ORC3: variants seen among roughly 807,000 people sequenced by gnomAD.
ORC3 encodes the protein origin recognition complex subunit 3, also known as homolog of latheo, Drosophila.
ORC3 carries 78 observed loss-of-function variants against 100.7 expected under a neutral mutation model. The ratio of observed to expected loss-of-function variants is 0.77; its 90% CI spans 0.65 to 0.94. The LOEUF (loss-of-function observed/expected upper bound fraction) is 0.94. ORC3 is among the 40% of genes least tolerant of loss of function. ORC3 has a pLI of 0.00. For synonymous variants in ORC3, 295 were observed against 289.3 expected (o/e 1.02, Z -0.20); for missense variants, 789 against 823.9 (o/e 0.96, Z 0.52).
chr6:87,634,085 A>G (rs903056032), intron 11 of ORC3, among the ~76,000 whole-genome samples: 10 of 152,272 alleles, frequency 6.6e-5, no homozygotes, highest in African/African-American at 2.4e-4. Flanking sequence ...AGCTCAAGCT[A>G]TCCTCCTGCC....
intron 11 of ORC3, among the ~76,000 whole-genome samples, chr6:87,633,657 C>T (rs928567431): frequency 1.3e-5 from 2 of 151,980 alleles, no homozygotes; most frequent in Admixed American, 1.3e-4. Flanking sequence ...TATGGCTGAC[C>T]ACTAAAAATA....
intron 2 of ORC3, among the ~76,000 whole-genome samples, chr6:87,597,162 A>T (rs116028530): frequency 0.016 from 2,376 of 152,322 alleles, 60 homozygotes; most frequent in African/African-American, 0.053. Flanking sequence ...ACCCAAGTCT[A>T]AAAATAAAAT....
intron 14 of ORC3, among the ~76,000 whole-genome samples, chr6:87,655,773 A>AT (rs1401980300): frequency 6.6e-6 from 1 of 151,612 alleles, no homozygotes; most frequent in African/African-American, 2.4e-5. Flanking sequence ...AAGTGCTGGG[A>AT]TTATAGGAAT....
chr6:87,661,891 A>G (rs1770206820), intron 16 of ORC3, among the ~76,000 whole-genome samples: 3 of 152,146 alleles, frequency 2.0e-5, no homozygotes, highest in African/African-American at 7.2e-5. Context: ...GTATAGTATC[A>G]CTGTCATGGC....
In ORC3 at chr6:87,664,784, C is replaced by T. The variant is rs768598760; in HGVS notation, c.1875C>T (p.Ile625=). ...LKSEEGCIPN[I]APDICIAYKL... Reference sequence around the variant, plus strand: ...GCGAAGAAGGCTGCATTCCGAATATCGCCCCAGACATCTGCATAGCATACA... The same window carrying T: ...GCGAAGAAGGCTGCATTCCGAATATTGCCCCAGACATCTGCATAGCATACA... The change falls in exon 18 of 20, where the codon ATC becomes ATT. Residue 625 remains isoleucine (I), a synonymous_variant. Coordinates refer to ENST00000392844, the MANE Select transcript of ORC3 (RefSeq NM_012381.4). 6.2e-6 allele frequency: 10 copies of T among 1,613,974 alleles called. No individual in the cohort carries two copies. In the East Asian group the frequency reaches 8.9e-5, roughly 14 times the overall value.
At chr6:87,617,422 A>C (rs1046963422) in intron 9 of ORC3, among the ~76,000 whole-genome samples, 1 of 152,084 alleles carries the variant, frequency 6.6e-6, no homozygotes, top group Non-Finnish European at 1.5e-5. Context: ...AATACATGCC[A>C]GTTGTCTAGT....
At chr6:87,642,361 T>C (rs972391266) in intron 13 of ORC3, among the ~76,000 whole-genome samples, 1 of 151,628 alleles carries the variant, frequency 6.6e-6, no homozygotes, top group African/African-American at 2.4e-5. Context: ...GAGGCTGAGG[T>C]GGGTGGATCA....
rs774201441 is a variant in ORC3 at position 87,612,239 on chromosome 6, A to T, written c.864A>T (p.Val288=). Residue 288 remains valine, a synonymous_variant, in exon 8 of 20, where the codon GTA becomes GTT. Coordinates refer to ENST00000392844, the MANE Select transcript of ORC3 (RefSeq NM_012381.4). ...SLSCKEHLTT[V]LDKLLLTTQF... is the part of the protein sequence containing the mutation. ...CTTGTAAGGAGCACCTGACTACGGT[A>T]CTCGATAAGGTAAAAAGAATAAGTT... 6.2e-6 allele frequency: 10 copies of T among 1,601,418 alleles called. No individual in the cohort carries two copies. Among genetic ancestry groups the T allele is most frequent in the Non-Finnish European group, 8.5e-6 (10 of 1,175,650 alleles).
At chr6:87,647,925 C>T (rs1012587632) in intron 13 of ORC3, among the ~76,000 whole-genome samples, 28 of 152,286 alleles carry the variant, frequency 1.8e-4, no homozygotes, top group African/African-American at 5.1e-4. Context: ...CTTTGATGGC[C>T]GCAGTGGCTC....
intron 11 of ORC3, among the ~76,000 whole-genome samples, chr6:87,627,459 C>G (rs903223617): frequency 1.3e-5 from 2 of 149,296 alleles, no homozygotes; most frequent in African/African-American, 4.9e-5. Context: ...CCACACCCGG[C>G]TAATTTTTGT....
At chr6:87,666,973 TG>T in intron 19 of ORC3, 44 bp from the exon 20 acceptor site, 1 of 1,179,866 alleles carries the variant, frequency 8.5e-7, no homozygotes, top group Non-Finnish European at 1.2e-6. Context: ...AATCCCTTTT[TG>T]TCAAAAATAC....
chr6:87,608,597 C>A (rs1013653795), intron 6 of ORC3, among the ~76,000 whole-genome samples: 1 of 152,082 alleles, frequency 6.6e-6, no homozygotes, highest in Non-Finnish European at 1.5e-5. Flanking sequence ...TTTAGACTTT[C>A]CAGATAAAAT....
intron 11 of ORC3, among the ~76,000 whole-genome samples, chr6:87,625,656 G>C (rs1464589491): frequency 3.3e-5 from 5 of 152,168 alleles, no homozygotes; most frequent in African/African-American, 1.2e-4. Context: ...TGTTCACTCT[G>C]ATGACAGTTT....
At chr6:87,615,299 C>T (rs1779082452) in intron 8 of ORC3, among the ~76,000 whole-genome samples, 1 of 152,162 alleles carries the variant, frequency 6.6e-6, no homozygotes, top group Non-Finnish European at 1.5e-5. Flanking sequence ...TCCCACAGCA[C>T]TTGGGAATTC....
chr6:87,602,467 C>CTT (rs55807123), intron 3 of ORC3, among the ~76,000 whole-genome samples: 8 of 139,034 alleles, frequency 5.8e-5, no homozygotes, highest in Non-Finnish European at 1.1e-4. Context: ...AGGCTGACAA[C>CTT]TTTTTTTTTT....
chr6:87,654,335 G>A (rs567368384), intron 14 of ORC3, among the ~76,000 whole-genome samples: 9 of 152,348 alleles, frequency 5.9e-5, no homozygotes, highest in Non-Finnish European at 1.2e-4. Context: ...AGCAGCCAGA[G>A]TGAGGAAGTC....
At chr6:87,595,507 A>T (rs1049109954) in intron 2 of ORC3, 1 of 152,174 alleles carries the variant, frequency 6.6e-6, no homozygotes, top group Non-Finnish European at 1.5e-5. Context: ...GGGAAGGGAA[A>T]AAGCTGAGAA....
chr6:87,606,559 C>G (rs1034791046), intron 5 of ORC3, among the ~76,000 whole-genome samples: 1 of 150,992 alleles, frequency 6.6e-6, no homozygotes, highest in Non-Finnish European at 1.5e-5. Context: ...GAGACAGGGT[C>G]TCACTCTGTT....
intron 18 of ORC3, among the ~76,000 whole-genome samples, 182 bp from the exon 19 acceptor site, chr6:87,665,572 C>G (rs1453390830): frequency 1.3e-5 from 2 of 152,162 alleles, no homozygotes; most frequent in East Asian, 3.8e-4. Context: ...TATTCAGGAA[C>G]CATTACTTTA....
Sources: gnomAD v4.1 joint callset for allele counts (sites outside exome capture counted in the v4.1 genomes callset) on GRCh38, gnomAD v4.1.1 for gene constraint, MANE v1.5 for transcripts, NCBI Gene and HGNC (gene_info 2026-07-23, HGNC 2026-07-21) for gene names.